Variants in DPP6 observed in about 807,000 individuals in gnomAD.
DPP6 encodes the protein A-type potassium channel modulatory protein DPP6.
DPP6 carries 69 observed loss-of-function variants against 122.6 expected under a neutral mutation model. The ratio of observed to expected loss-of-function variants is 0.56; its 90% CI spans 0.46 to 0.69. The LOEUF (loss-of-function observed/expected upper bound fraction) is 0.69, where lower values mean the gene tolerates loss of function less well. Among genes scored for constraint, DPP6 ranks in the 30% least tolerant of loss-of-function variants. The pLI is 0.00. For missense variants in DPP6, 928 were observed against 1,116.9 expected (o/e 0.83, Z 2.41); for synonymous variants, 418 against 433.1 (o/e 0.97, Z 0.43).
intron 7 of DPP6, among the ~76,000 whole-genome samples, chr7:154,680,814 C>G (rs1839235336): frequency 6.6e-6 from 1 of 152,118 alleles, no homozygotes; most frequent in South Asian, 2.1e-4. Context: ...TGCAGAGAAT[C>G]CAAACATGAA....
At chr7:154,046,989 A>G (rs1800047262) in intron 1 of DPP6, among the ~76,000 whole-genome samples, 1 of 151,280 alleles carries the variant, frequency 6.6e-6, no homozygotes, top group Non-Finnish European at 1.5e-5. Context: ...TTGAGTTGAC[A>G]CTGGCTCTGT....
chr7:153,769,618 A>G, the DPP6 span, among the ~76,000 whole-genome samples: 1 of 152,202 alleles, frequency 6.6e-6, no homozygotes, highest in Non-Finnish European at 1.5e-5. Context: ...GGAATCATCA[A>G]CTGACAAGCA....
At chr7:153,796,332 T>C in the DPP6 span, among the ~76,000 whole-genome samples, 2 of 140,490 alleles carry the variant, frequency 1.4e-5, no homozygotes, top group Non-Finnish European at 3.1e-5. Context: ...TCTTGAGGGA[T>C]TGACACCTAT....
At chr7:154,431,122 G>A (rs1818327052) in intron 1 of DPP6, among the ~76,000 whole-genome samples, 1 of 152,184 alleles carries the variant, frequency 6.6e-6, no homozygotes, top group Non-Finnish European at 1.5e-5. Flanking sequence ...AGAGGAAGGA[G>A]GAACGCAAAG....
At chr7:153,823,581 C>T in the DPP6 span, among the ~76,000 whole-genome samples, 4 of 138,042 alleles carry the variant, frequency 2.9e-5, 1 homozygote, top group African/African-American at 1.1e-4. Flanking sequence ...TTAATTTCCA[C>T]TCACAGTTTT....
At chr7:154,689,939 G>C (rs1362334910) in intron 7 of DPP6, among the ~76,000 whole-genome samples, 1 of 152,042 alleles carries the variant, frequency 6.6e-6, no homozygotes, top group Non-Finnish European at 1.5e-5. Flanking sequence ...ACCTTCTTTG[G>C]AACAATACAG....
chr7:153,876,094 A>G, the DPP6 span, among the ~76,000 whole-genome samples: 11 of 152,104 alleles, frequency 7.2e-5, no homozygotes, highest in Admixed American at 1.3e-4. Flanking sequence ...CTATCTGACA[A>G]GAATTTATAA....
chr7:154,648,929 A>G (rs1348937072), intron 6 of DPP6, among the ~76,000 whole-genome samples: 1 of 151,708 alleles, frequency 6.6e-6, no homozygotes, highest in Non-Finnish European at 1.5e-5. Context: ...AAAAAAAAAA[A>G]AAAAATACAC....
At chr7:154,419,963 A>T (rs1817326157) in intron 1 of DPP6, among the ~76,000 whole-genome samples, 1 of 152,228 alleles carries the variant, frequency 6.6e-6, no homozygotes, top group South Asian at 2.1e-4. Context: ...GAAATGTGGA[A>T]ACAATGTAAA....
At chr7:154,614,006 C>A (rs899905036) in intron 5 of DPP6, among the ~76,000 whole-genome samples, 2 of 152,216 alleles carry the variant, frequency 1.3e-5, no homozygotes, top group African/African-American at 4.8e-5. Flanking sequence ...CTTCTTTTAA[C>A]ATGGCCTCTT....
the DPP6 span, among the ~76,000 whole-genome samples, chr7:153,778,361 A>G: frequency 5.3e-5 from 8 of 152,226 alleles, no homozygotes; most frequent in East Asian, 1.4e-3. Context: ...GGGTACAAAA[A>G]TAAATATAAA....
At chr7:154,662,302 T>C (rs1390633547) in intron 6 of DPP6, among the ~76,000 whole-genome samples, 1 of 151,730 alleles carries the variant, frequency 6.6e-6, no homozygotes, top group Admixed American at 6.6e-5. Context: ...GCGCTAGTGT[T>C]CATATAGTCA....
At chr7:154,411,784 C>G (rs1170170001) in intron 1 of DPP6, among the ~76,000 whole-genome samples, 1 of 152,116 alleles carries the variant, frequency 6.6e-6, no homozygotes, top group Non-Finnish European at 1.5e-5. Context: ...GGAAATAAAT[C>G]TGCATTCGAG....
intron 1 of DPP6, among the ~76,000 whole-genome samples, chr7:154,130,099 C>CA (rs377375358): frequency 0.016 from 2,130 of 134,770 alleles, 47 homozygotes; most frequent in African/African-American, 0.055. Flanking sequence ...CCCACACACA[C>CA]AAAAAAAAAA....
chr7:154,554,090 G>A (rs1829842742), intron 4 of DPP6, among the ~76,000 whole-genome samples: 1 of 152,068 alleles, frequency 6.6e-6, no homozygotes, highest in South Asian at 2.1e-4. Context: ...ATGCAGTGCT[G>A]GGAGCAGCAC....
chr7:154,037,985 C>G (rs1248010424), intron 1 of DPP6, among the ~76,000 whole-genome samples: 4 of 115,992 alleles, frequency 3.4e-5, no homozygotes, highest in African/African-American at 1.5e-4. Context: ...AGTGATTTCT[C>G]TTTTCATACT....
At chr7:154,506,417 T>C (rs1326153424) in intron 3 of DPP6, among the ~76,000 whole-genome samples, 1 of 152,176 alleles carries the variant, frequency 6.6e-6, no homozygotes, top group Non-Finnish European at 1.5e-5. Flanking sequence ...AAACCCACAT[T>C]CCTGAGATTT....
intron 1 of DPP6, among the ~76,000 whole-genome samples, chr7:154,423,076 G>A (rs545183107): frequency 2.6e-5 from 4 of 152,116 alleles, no homozygotes; most frequent in South Asian, 2.1e-4. Context: ...GAAAATCTGC[G>A]CCCTCTTTCT....
At chr7:154,513,809 G>A (rs1386462513) in intron 3 of DPP6, among the ~76,000 whole-genome samples, 1 of 152,156 alleles carries the variant, frequency 6.6e-6, no homozygotes, top group African/African-American at 2.4e-5. Flanking sequence ...CCCTGGGCAC[G>A]TGCCACCCAG....
Sources: allele counts gnomAD v4.1 joint callset (sites outside exome capture counted in the v4.1 genomes callset), GRCh38; gene constraint gnomAD v4.1.1; transcripts MANE v1.5; gene names NCBI Gene and HGNC (gene_info 2026-07-23, HGNC 2026-07-21).